AGAP1: variants seen among roughly 807,000 people sequenced by gnomAD.
AGAP1 encodes ArfGAP with GTPase domain, ankyrin repeat and PH domain 1, also known as arf-GAP with GTPase, ANK repeat and PH domain-containing protein 1.
Under a neutral mutation model 105.3 loss-of-function variants are expected in AGAP1, and 29 were observed. The observed-to-expected ratio is 0.28, with a 90% CI of 0.21 to 0.38. The LOEUF is 0.38. Ranked by LOEUF, AGAP1 falls within the 10% of genes least tolerant of loss-of-function variation. The pLI is 1.00. For missense variants in AGAP1, 998 were observed against 1,165.1 expected (o/e 0.86, Z 2.09); for synonymous variants, 509 against 485.9 (o/e 1.05, Z -0.63).
Position 235,754,107 on chromosome 2 carries a change from C to G in AGAP1, c.673+3619C>G, listed in dbSNP as rs1575337635. The stretch of plus-strand genomic sequence containing the variant: ...AGGGACACAGCCTGGACTGGATCCC[C>G]CATCTTGGGACCTGAGAGCCTCGAC... On this transcript the variant is annotated intron_variant, in intron 6 of 17. Coordinates refer to ENST00000304032, the MANE Select transcript of AGAP1 (RefSeq NM_001037131.3). This position sits in a 1 kb window ranked among gnomAD's most constrained non-coding sequence, Gnocchi z 4.6. 6.6e-6 allele frequency among the ~76,000 whole-genome samples: 1 copy of G among 152,154 alleles called. No individual in the cohort carries two copies. Among genetic ancestry groups the G allele is most frequent in the Non-Finnish European group, 1.5e-5 (1 of 68,012 alleles).
intron 1 of AGAP1, among the ~76,000 whole-genome samples, chr2:235,603,228 T>A (rs1383287437): frequency 6.6e-6 from 1 of 151,530 alleles, no homozygotes; most frequent in Non-Finnish European, 1.5e-5. Flanking sequence ...GTCTCTCTCT[T>A]GCCTGCCGCC....
chr2:235,818,818 C>T (rs543730146), intron 9 of AGAP1, among the ~76,000 whole-genome samples: 2 of 152,318 alleles, frequency 1.3e-5, no homozygotes, highest in East Asian at 3.9e-4. Context: ...AGGTGATCCA[C>T]CTGCCTCGGC....
At position 236,062,436 on chromosome 2, in the gene AGAP1, TTTG is replaced by T. The variant is rs145991084; in HGVS notation, c.2114+13179_2114+13181del. On this transcript the variant is annotated intron_variant, in intron 16 of 17. Coordinates refer to ENST00000304032, the MANE Select transcript of AGAP1 (RefSeq NM_001037131.3). This position sits in a 1 kb window ranked among gnomAD's most constrained non-coding sequence, Gnocchi z 4.2. ...CTAGGAGCATACTCAGGACTCGTAT[TTTG>T]TTGTTGTTGTTGTTGTTGTTGTTAC... Among the ~76,000 whole-genome samples, 33 of 150,904 alleles carry T rather than the reference TTTG, an allele frequency of 2.2e-4. No homozygotes were observed. The highest frequency in any genetic ancestry group is 3.4e-4 in the Non-Finnish European group (23 of 67,852).
Position 236,022,825 on chromosome 2 carries a change from A to G in AGAP1, c.1646-13736A>G, listed in dbSNP as rs549608161. Among the ~76,000 whole-genome samples the G allele has an allele frequency of 1.6e-4, 24 of 152,234 alleles. No individual in the cohort carries two copies. The South Asian group carries it at 4.2e-3, about 26-fold the overall frequency. On this transcript the variant is annotated intron_variant, in intron 13 of 17. Transcript: ENST00000304032. ...ACTGTTAGGATTACAGGCTTGAGCT[A>G]CCGCACCCGGTCAGCAGGCTTTCTT...
At chr2:235,755,453 C>T (rs1364980171) in intron 6 of AGAP1, among the ~76,000 whole-genome samples, 1 of 152,140 alleles carries the variant, frequency 6.6e-6, no homozygotes, top group East Asian at 1.9e-4. Flanking sequence ...CCTTCCCCTT[C>T]CCTTTTTTCG....
chr2:235,948,955 C>T lies in AGAP1; in HGVS notation c.1483+18032C>T, dbSNP rs115832356. Reference sequence around the variant, plus strand: ...TGTTATCTGGAATTATTTACAAACGCAGTGTCCACAATACGATGAATCACA... The same window carrying T: ...TGTTATCTGGAATTATTTACAAACGTAGTGTCCACAATACGATGAATCACA... On this transcript the variant is annotated intron_variant, in intron 12 of 17. Coordinates refer to ENST00000304032, the MANE Select transcript of AGAP1 (RefSeq NM_001037131.3). 9.4e-3 allele frequency among the ~76,000 whole-genome samples: 1,428 copies of T among 152,326 alleles called. 20 individuals are homozygous for T. The highest frequency in any genetic ancestry group is 0.033 in the African/African-American group (1,357 of 41,576).
intron 2 of AGAP1, among the ~76,000 whole-genome samples, chr2:235,715,665 A>G (rs1443322583): frequency 6.6e-6 from 1 of 152,146 alleles, no homozygotes; most frequent in Non-Finnish European, 1.5e-5. Context: ...CCACTTTCTC[A>G]TGGTCACTTT....
chr2:235,995,032 C>T (rs2055740502), intron 13 of AGAP1, among the ~76,000 whole-genome samples: 2 of 121,208 alleles, frequency 1.7e-5, no homozygotes, highest in Admixed American at 9.0e-5. Context: ...GCGCCTTGCA[C>T]TCCAACCAGG....
At chr2:235,807,416 G>C (rs1957893109) in intron 9 of AGAP1, 85 bp downstream of exon 9, 1 of 1,252,676 alleles carries the variant, frequency 8.0e-7, no homozygotes, top group African/African-American at 1.5e-5. Flanking sequence ...CTCGCACCAA[G>C]GTCTGTCTGA....
intron 1 of AGAP1, among the ~76,000 whole-genome samples, chr2:235,632,248 C>T (rs1156795278): frequency 6.6e-6 from 1 of 152,224 alleles, no homozygotes; most frequent in Non-Finnish European, 1.5e-5. Flanking sequence ...TCATCTCCCA[C>T]CACCAGAGCA....
intron 9 of AGAP1, among the ~76,000 whole-genome samples, chr2:235,811,168 T>A (rs1427636078): frequency 2.0e-5 from 3 of 152,206 alleles, no homozygotes; most frequent in Non-Finnish European, 4.4e-5. Flanking sequence ...CTCTTTAGCA[T>A]TTTTTAATCT....
intron 3 of AGAP1, among the ~76,000 whole-genome samples, chr2:235,738,881 A>G (rs77985546): frequency 0.038 from 5,747 of 152,230 alleles, 339 homozygotes; most frequent in African/African-American, 0.12. Context: ...TTCTTAAAAC[A>G]GTCAAATTCA....
At chr2:235,869,872 G>T (rs2049353754) in intron 9 of AGAP1, among the ~76,000 whole-genome samples, 1 of 152,150 alleles carries the variant, frequency 6.6e-6, no homozygotes, top group African/African-American at 2.4e-5. Flanking sequence ...TCTTTACTTG[G>T]TCTCCCCAGT....
intron 1 of AGAP1, among the ~76,000 whole-genome samples, chr2:235,686,055 G>T (rs558552300): frequency 1.3e-5 from 2 of 152,186 alleles, no homozygotes; most frequent in Non-Finnish European, 2.9e-5. Context: ...AGAGTGGGAG[G>T]CAGGTTTGTC....
chr2:235,548,712 CA>C (rs910519033), intron 1 of AGAP1, among the ~76,000 whole-genome samples: 1 of 151,160 alleles, frequency 6.6e-6, no homozygotes, highest in African/African-American at 2.4e-5. Context: ...ATCTGGAATT[CA>C]AAAACCCCAA....
intron 1 of AGAP1, among the ~76,000 whole-genome samples, chr2:235,636,099 G>A (rs1213683949): frequency 6.8e-6 from 1 of 147,464 alleles, no homozygotes; most frequent in African/African-American, 2.6e-5. Flanking sequence ...GGCAACAAGA[G>A]CGAGACTCTG....
chr2:235,587,408 A>G (rs1478075186), intron 1 of AGAP1, among the ~76,000 whole-genome samples: 1 of 152,158 alleles, frequency 6.6e-6, no homozygotes, highest in Non-Finnish European at 1.5e-5. Flanking sequence ...CGGGATGCTC[A>G]CCATGTGCTG....
At chr2:235,697,425 C>T (rs1950048254) in intron 1 of AGAP1, among the ~76,000 whole-genome samples, 1 of 152,234 alleles carries the variant, frequency 6.6e-6, no homozygotes, top group Admixed American at 6.5e-5. Context: ...AGTGCCCCCA[C>T]TTCCCCCTGC....
chr2:236,094,445 G>A (rs775918072), intron 16 of AGAP1, among the ~76,000 whole-genome samples: 28 of 151,058 alleles, frequency 1.9e-4, no homozygotes, highest in Middle Eastern at 3.4e-3. Flanking sequence ...TCCACCTCCC[G>A]GGATCAAGCG....
Sources: allele counts gnomAD v4.1 joint callset (sites outside exome capture counted in the v4.1 genomes callset), GRCh38; gene constraint gnomAD v4.1.1; non-coding constraint Gnocchi (gnomAD v3.1); transcripts MANE v1.5; gene names NCBI Gene and HGNC (gene_info 2026-07-23, HGNC 2026-07-21).